MBTD1: variants seen among roughly 807,000 people sequenced by gnomAD.
The protein encoded by MBTD1 is mbt domain containing 1, also known as MBT domain-containing protein 1.
MBTD1 carries 24 observed loss-of-function variants against 87.8 expected under a neutral mutation model. The observed-to-expected ratio is 0.27, with a 90% CI of 0.20 to 0.38. MBTD1 has a LOEUF of 0.38. MBTD1 is among the 10% of genes least tolerant of loss of function. MBTD1 has a pLI of 1.00. For missense variants in MBTD1, 436 were observed against 760.2 expected (o/e 0.57, Z 5.02); for synonymous variants, 237 against 248.6 (o/e 0.95, Z 0.44).
chr17:51,184,316 C>T (rs2050440702), intron 16 of MBTD1: 1 of 152,198 alleles, frequency 6.6e-6, no homozygotes, highest in Non-Finnish European at 1.5e-5. Flanking sequence ...CTTTTCTCAG[C>T]TCTGTTTTTA....
intron 7 of MBTD1, among the ~76,000 whole-genome samples, chr17:51,206,057 G>A (rs1002059474): frequency 2.6e-5 from 4 of 152,070 alleles, no homozygotes; most frequent in Admixed American, 6.6e-5. Flanking sequence ...ACATTTGGCC[G>A]ATGTGAACAT....
chr17:51,202,948 C>A lies in MBTD1; in HGVS notation c.829-13G>T, dbSNP rs747301850. 1 of 1,584,584 alleles carries A rather than the reference C, an allele frequency of 6.3e-7. No homozygotes were observed. The highest frequency in any genetic ancestry group is 1.7e-5 in the Admixed American group (1 of 58,712). On this transcript the variant is annotated splice_polypyrimidine_tract_variant and intron_variant, in intron 9 of 16. Coordinates refer to ENST00000586178, the MANE Select transcript of MBTD1 (RefSeq NM_017643.3). ...TACTCTCTGAAACCTTAAAAGCATACAAAAAAAACTGCTCGAAATTCATGA... is the reference window on the plus strand; with the variant it reads ...TACTCTCTGAAACCTTAAAAGCATAAAAAAAAAACTGCTCGAAATTCATGA...
intron 2 of MBTD1, among the ~76,000 whole-genome samples, chr17:51,225,701 C>T (rs375370913): frequency 1.5e-4 from 23 of 151,984 alleles, no homozygotes; most frequent in African/African-American, 4.8e-4. Flanking sequence ...GGATGACAGG[C>T]GTGAGCCAGT....
upstream of MBTD1, among the ~76,000 whole-genome samples, chr17:51,260,347 G>C (rs1046490971): frequency 6.6e-6 from 1 of 152,354 alleles, no homozygotes; most frequent in Admixed American, 6.5e-5. Context: ...TTCCACTCCA[G>C]TCACGCCGCT....
At chr17:51,206,838 G>C (rs890421798) in intron 7 of MBTD1, 50 bp downstream of exon 7, 5 of 1,251,860 alleles carry the variant, frequency 4.0e-6, no homozygotes, top group South Asian at 1.2e-5. Context: ...TTTACGAAAG[G>C]TTACAAGGAT....
At chr17:51,243,742 G>T (rs2054282054) in intron 2 of MBTD1, among the ~76,000 whole-genome samples, 1 of 152,080 alleles carries the variant, frequency 6.6e-6, no homozygotes, top group South Asian at 2.1e-4. Flanking sequence ...GCCCAGACTG[G>T]ACTCAAACTC....
chr17:51,183,774 G>A (rs114626890), intron 16 of MBTD1: 279 of 152,246 alleles, frequency 1.8e-3, no homozygotes, highest in African/African-American at 6.5e-3. Context: ...GTCATTCAGC[G>A]TGAGGGCCAT....
intron 2 of MBTD1, among the ~76,000 whole-genome samples, chr17:51,257,167 G>A (rs1568251322): frequency 6.6e-6 from 1 of 152,194 alleles, no homozygotes; most frequent in African/African-American, 2.4e-5. Context: ...AAATATCTTA[G>A]CTTGTTTTAA....
chr17:51,240,497 T>C (rs1037444560), intron 2 of MBTD1, among the ~76,000 whole-genome samples: 3 of 152,172 alleles, frequency 2.0e-5, no homozygotes, highest in African/African-American at 7.2e-5. Context: ...GACTGTTCTA[T>C]TGGAATTTGT....
In MBTD1 at chr17:51,179,496, A is replaced by ATATATATATATATATT; in HGVS notation, c.*1079_*1080insAATATATATATATATA. 1.9e-5 allele frequency: 1 copy of ATATATATATATATATT among 53,092 alleles called. No homozygotes were observed. The highest frequency in any genetic ancestry group is 5.9e-4 in the South Asian group (1 of 1,696). The allele number at this position is 53,092 out of a possible 1,614,324, so 3.3% of individuals were successfully genotyped here. A position where few individuals can be genotyped will look rare whatever the true frequency, so the allele number is the denominator to read the frequency against. On this transcript the variant is annotated 3_prime_UTR_variant, in exon 17 of 17. Transcript: ENST00000586178. ...ATTAAAGACAATTTTATATATATAT[A>ATATATATATATATATT]TATATATATATATATATATATATAT...
At chr17:51,227,234 T>G (rs2053273365) in intron 2 of MBTD1, among the ~76,000 whole-genome samples, 1 of 91,826 alleles carries the variant, frequency 1.1e-5, no homozygotes, top group African/African-American at 4.5e-5. Flanking sequence ...AGAGCGAGAC[T>G]CTGTCTCCAA....
chr17:51,243,184 T>C (rs2054248823), intron 2 of MBTD1, among the ~76,000 whole-genome samples: 1 of 152,194 alleles, frequency 6.6e-6, no homozygotes, highest in African/African-American at 2.4e-5. Flanking sequence ...ACCAGCAATA[T>C]TGAGAGTGCT....
upstream of MBTD1, chr17:51,260,781 C>T (rs762927140): frequency 1.3e-5 from 20 of 1,578,518 alleles, no homozygotes; most frequent in Non-Finnish European, 1.5e-5. Context: ...GTCGCGGCGG[C>T]GGAGGAAGAG....
chr17:51,195,101 C>G (rs1346836166), intron 13 of MBTD1, 113 bp downstream of exon 13: 1 of 823,118 alleles, frequency 1.2e-6, no homozygotes, highest in Non-Finnish European at 1.9e-6. Flanking sequence ...TGTTTATCCA[C>G]ACACATTATA....
Position 51,205,944 on chromosome 17 carries a change from T to C in MBTD1, c.604+944A>G, listed in dbSNP as rs77911654. Among the ~76,000 whole-genome samples, 788 of 152,240 alleles carry C rather than the reference T, an allele frequency of 5.2e-3. 3 individuals carry two copies. The highest frequency in any genetic ancestry group is 0.012 in the South Asian group (56 of 4,816). ...AGTTAAAAATCTGTCACAGTAGTAATTGAAGATAACTTTTCTTATGAGTGG... is the reference window on the plus strand; with the variant it reads ...AGTTAAAAATCTGTCACAGTAGTAACTGAAGATAACTTTTCTTATGAGTGG... On this transcript the variant is annotated intron_variant, in intron 7 of 16. Transcript: ENST00000586178.
At position 51,179,482 on chromosome 17, in the gene MBTD1, T is replaced by TTATATATATATATATATTTATATATA. The variant is rs1491325264; in HGVS notation, c.*1093_*1094insTATATATAAATATATATATATATATA. The TTATATATATATATATATTTATATATA allele has an allele frequency of 3.2e-5, 1 of 31,640 alleles. No individual in the cohort carries two copies. The highest frequency in any genetic ancestry group is 5.3e-5 in the Non-Finnish European group (1 of 18,742). The allele number at this position is 31,640 out of a possible 1,614,324, so 2.0% of individuals were successfully genotyped here. The stretch of plus-strand genomic sequence containing the variant: ...AAATCCTGAATACAATTAAAGACAA[T>TTATATATATATATATATTTATATATA]TTTATATATATATATATATATATAT... On this transcript the variant is annotated 3_prime_UTR_variant, in exon 17 of 17. Transcript: ENST00000586178.
chr17:51,193,070 C>G, intron 14 of MBTD1, 54 bp from the exon 15 acceptor site: 1 of 1,225,390 alleles, frequency 8.2e-7, no homozygotes, highest in South Asian at 1.3e-5. Flanking sequence ...GAATGCACAA[C>G]CCTACTATCA....
intron 2 of MBTD1, among the ~76,000 whole-genome samples, chr17:51,254,395 T>A (rs2054963705): frequency 6.6e-6 from 1 of 152,160 alleles, no homozygotes; most frequent in African/African-American, 2.4e-5. Flanking sequence ...TTCCCACAAA[T>A]TCAATGTGCA....
At chr17:51,209,362 G>A (rs1455534461) in intron 6 of MBTD1, 4 of 470,998 alleles carry the variant, frequency 8.5e-6, no homozygotes, top group African/African-American at 4.0e-5. Flanking sequence ...CCCAAACAAG[G>A]AAGATCTGCT....
Sources: gnomAD v4.1 joint callset for allele counts (sites outside exome capture counted in the v4.1 genomes callset) on GRCh38, gnomAD v4.1.1 for gene constraint, MANE v1.5 for transcripts, NCBI Gene and HGNC (gene_info 2026-07-23, HGNC 2026-07-21) for gene names.